Variants in PRKG1 observed in about 807,000 individuals in gnomAD.
PRKG1 encodes the protein cGMP-dependent protein kinase 1.
In PRKG1, 35 loss-of-function variants were observed where a neutral mutation model predicts 88.1. That is an observed-to-expected ratio of 0.40 (90% CI 0.30 to 0.53). The LOEUF (loss-of-function observed/expected upper bound fraction) is 0.53. PRKG1 is among the 20% of genes least tolerant of loss of function. The pLI is 0.59. For synonymous variants in PRKG1, 303 were observed against 292.5 expected (o/e 1.04, Z -0.37); for missense variants, 540 against 839.8 (o/e 0.64, Z 4.41).
rs188831360 is a variant in PRKG1 at position 51,870,240 on chromosome 10, A to G, written c.699-37267A>G. 1.6e-4 allele frequency among the ~76,000 whole-genome samples: 24 copies of G among 152,270 alleles called. No homozygotes were observed. In the East Asian group the frequency reaches 4.5e-3, roughly 28 times the overall value. ...GGAAATAAGGTGTTATAGGTGCCCAAATCAAGTGACCCAATGTGAATTGGT... is the reference window on the plus strand; with the variant it reads ...GGAAATAAGGTGTTATAGGTGCCCAGATCAAGTGACCCAATGTGAATTGGT... On this transcript the variant is annotated intron_variant, in intron 4 of 17. Coordinates refer to ENST00000373980, the MANE Select transcript of PRKG1 (RefSeq NM_006258.4).
upstream of PRKG1, among the ~76,000 whole-genome samples, chr10:51,070,483 T>C (rs1843811747): frequency 6.6e-6 from 1 of 152,152 alleles, no homozygotes; most frequent in Admixed American, 6.5e-5. Flanking sequence ...TTTGTTTATT[T>C]TTTCCCATTC....
intron 17 of PRKG1, among the ~76,000 whole-genome samples, chr10:52,291,840 A>G (rs920561005): frequency 4.6e-5 from 7 of 151,940 alleles, no homozygotes; most frequent in African/African-American, 1.5e-4. Context: ...TGACTTCCAC[A>G]ATGGTTTAAC....
At chr10:51,983,857 G>A (rs1844081071) in intron 5 of PRKG1, among the ~76,000 whole-genome samples, 1 of 152,206 alleles carries the variant, frequency 6.6e-6, no homozygotes, top group East Asian at 1.9e-4. Flanking sequence ...TGGGGGTCAG[G>A]AACAAGTCCA....
At chr10:51,070,423 C>G (rs1481087131), upstream of PRKG1, among the ~76,000 whole-genome samples, 6 of 152,104 alleles carry the variant, frequency 3.9e-5, no homozygotes, top group Non-Finnish European at 7.4e-5. Context: ...TTTTAGCAAT[C>G]TTCTGCCAGA....
At chr10:52,133,752 T>A in intron 7 of PRKG1, 88 bp from the exon 8 acceptor site, 1 of 1,094,688 alleles carries the variant, frequency 9.1e-7, no homozygotes, top group East Asian at 2.5e-5. Flanking sequence ...GTTTATATAA[T>A]GTAAATTTTT....
At chr10:51,797,472 T>G (rs1839044777) in intron 3 of PRKG1, among the ~76,000 whole-genome samples, 1 of 146,236 alleles carries the variant, frequency 6.8e-6, no homozygotes, top group Non-Finnish European at 1.5e-5. Flanking sequence ...ATATACAGAT[T>G]ATAATTTATT....
intron 3 of PRKG1, among the ~76,000 whole-genome samples, chr10:51,598,310 A>G (rs1211107512): frequency 6.6e-6 from 1 of 152,068 alleles, no homozygotes; most frequent in African/African-American, 2.4e-5. Context: ...GTCTTGCTCT[A>G]TCACCCAGGC....
At chr10:51,076,432 T>C (rs1843954099) in intron 1 of PRKG1, among the ~76,000 whole-genome samples, 2 of 152,170 alleles carry the variant, frequency 1.3e-5, no homozygotes, top group African/African-American at 4.8e-5. Flanking sequence ...TACATGACCA[T>C]CTCTCCTGGG....
intron 2 of PRKG1, among the ~76,000 whole-genome samples, chr10:51,270,657 A>C (rs551815924): frequency 6.9e-6 from 1 of 145,864 alleles, no homozygotes; most frequent in Non-Finnish European, 1.5e-5. Context: ...CTTTTCTCTC[A>C]GAAAAAAATC....
chr10:51,194,226 T>A (rs1837703824), intron 2 of PRKG1, among the ~76,000 whole-genome samples: 1 of 151,224 alleles, frequency 6.6e-6, no homozygotes, highest in South Asian at 2.1e-4. Context: ...AAGGTTCAAC[T>A]TTTTTTTTAG....
At chr10:51,313,740 G>A (rs1841251455) in intron 2 of PRKG1, among the ~76,000 whole-genome samples, 1 of 152,050 alleles carries the variant, frequency 6.6e-6, no homozygotes, top group Admixed American at 6.6e-5. Flanking sequence ...AAATAAAATA[G>A]CATAATATTT....
At chr10:52,267,429 T>TA (rs1424436171) in intron 10 of PRKG1, among the ~76,000 whole-genome samples, 1 of 152,060 alleles carries the variant, frequency 6.6e-6, no homozygotes, top group Non-Finnish European at 1.5e-5. Context: ...TATTACAATT[T>TA]AAAAGAGACT....
At chr10:51,688,009 G>A (rs1161146142) in intron 3 of PRKG1, among the ~76,000 whole-genome samples, 1 of 152,138 alleles carries the variant, frequency 6.6e-6, no homozygotes. Flanking sequence ...CTCAGATTGG[G>A]TAAGGATTTT....
chr10:51,994,219 G>A (rs1478849219), intron 5 of PRKG1, among the ~76,000 whole-genome samples: 1 of 152,050 alleles, frequency 6.6e-6, no homozygotes, highest in Admixed American at 6.6e-5. Flanking sequence ...GTAAGGCTTG[G>A]TTACAGAGTA....
At chr10:51,089,846 A>G (rs1844355400) in intron 1 of PRKG1, among the ~76,000 whole-genome samples, 1 of 152,238 alleles carries the variant, frequency 6.6e-6, no homozygotes, top group African/African-American at 2.4e-5. Context: ...TAGTTCTTAA[A>G]TGATACCACT....
At chr10:51,777,593 T>A (rs1838473525) in intron 3 of PRKG1, among the ~76,000 whole-genome samples, 1 of 152,318 alleles carries the variant, frequency 6.6e-6, no homozygotes, top group Non-Finnish European at 1.5e-5. Context: ...ACATTTGTTA[T>A]AATTGACATA....
intron 5 of PRKG1, among the ~76,000 whole-genome samples, chr10:52,053,581 C>T (rs1029910914): frequency 1.3e-5 from 2 of 152,178 alleles, no homozygotes; most frequent in Non-Finnish European, 2.9e-5. Flanking sequence ...TCTCATTTTT[C>T]TGTTAGACCG....
At chr10:51,702,940 T>C (rs1841505936) in intron 3 of PRKG1, among the ~76,000 whole-genome samples, 1 of 152,112 alleles carries the variant, frequency 6.6e-6, no homozygotes, top group Non-Finnish European at 1.5e-5. Flanking sequence ...AGCGATCTGC[T>C]TGCCTCAGTC....
In PRKG1 at chr10:51,670,597, G is replaced by A. The variant is rs868060841; in HGVS notation, c.593-133988G>A. Among the ~76,000 whole-genome samples the A allele has an allele frequency of 8.8e-4, 131 of 148,674 alleles. 1 individual carries two copies. The highest frequency in any genetic ancestry group is 3.1e-3 in the African/African-American group (129 of 41,080). On this transcript the variant is annotated intron_variant, in intron 3 of 17. Coordinates refer to ENST00000373980, the MANE Select transcript of PRKG1 (RefSeq NM_006258.4). ...TAAAAATACAAAAAATTAGCCGGGCGTAGTGGCGGGCGCCTGTAGTCCCAG... is the reference window on the plus strand; with the variant it reads ...TAAAAATACAAAAAATTAGCCGGGCATAGTGGCGGGCGCCTGTAGTCCCAG...
Sources: allele counts gnomAD v4.1 joint callset (sites outside exome capture counted in the v4.1 genomes callset), GRCh38; gene constraint gnomAD v4.1.1; transcripts MANE v1.5; gene names NCBI Gene and HGNC (gene_info 2026-07-23, HGNC 2026-07-21).